Variants in PTPRD observed in about 807,000 individuals in gnomAD.
The protein encoded by PTPRD is receptor-type tyrosine-protein phosphatase delta.
A neutral mutation model predicts 214.5 loss-of-function variants in PTPRD; 34 were observed. The observed-to-expected ratio is 0.16, with a 90% confidence interval of 0.12 to 0.21. The LOEUF (loss-of-function observed/expected upper bound fraction) is 0.21. PTPRD is among the 10% of genes least tolerant of loss of function. The pLI is 1.00. For synonymous variants in PTPRD, 1,128 were observed against 845.7 expected (o/e 1.33, Z -5.79); for missense variants, 2,545 against 2,398.7 (o/e 1.06, Z -1.27).
At chr9:8,889,061 C>T (rs1384364761) in intron 11 of PTPRD, among the ~76,000 whole-genome samples, 1 of 152,094 alleles carries the variant, frequency 6.6e-6, no homozygotes, top group African/African-American at 2.4e-5. Context: ...ATTATTAGAC[C>T]TGTGTCCCTC....
At chr9:8,639,053 G>C (rs115874041) in intron 12 of PTPRD, among the ~76,000 whole-genome samples, 10,307 of 152,120 alleles carry the variant, frequency 0.068, 1,047 homozygotes, top group African/African-American at 0.22. Flanking sequence ...ATGTGGGCCA[G>C]AATGGTCTCG....
chr9:10,475,244 C>T (rs1393994212), intron 2 of PTPRD, among the ~76,000 whole-genome samples: 1 of 151,550 alleles, frequency 6.6e-6, no homozygotes, highest in East Asian at 1.9e-4. Context: ...ACTAGCCAGA[C>T]TAATAAAGAA....
intron 2 of PTPRD, among the ~76,000 whole-genome samples, chr9:10,523,584 T>C (rs1318861744): frequency 1.4e-5 from 2 of 143,834 alleles, no homozygotes; most frequent in East Asian, 2.1e-4. Context: ...CCCAATATTT[T>C]TCAAGTATAT....
intron 11 of PTPRD, among the ~76,000 whole-genome samples, chr9:8,856,169 TG>T (rs2154544249): frequency 6.6e-6 from 1 of 151,524 alleles, no homozygotes; most frequent in Admixed American, 6.6e-5. Flanking sequence ...AGCCTTTTAC[TG>T]GGTATTATTA....
At chr9:9,082,389 A>G (rs2099760580) in intron 10 of PTPRD, among the ~76,000 whole-genome samples, 2 of 152,120 alleles carry the variant, frequency 1.3e-5, no homozygotes, top group Admixed American at 6.6e-5. Context: ...AAAGGCCTTC[A>G]ATAAAATTCA....
chr9:10,505,294 C>G (rs1291152798), intron 2 of PTPRD, among the ~76,000 whole-genome samples: 1 of 152,110 alleles, frequency 6.6e-6, no homozygotes, highest in Non-Finnish European at 1.5e-5. Flanking sequence ...TTAGACTTCA[C>G]TAGATTTAAA....
At chr9:9,041,537 A>G (rs1444455473) in intron 10 of PTPRD, among the ~76,000 whole-genome samples, 1 of 152,180 alleles carries the variant, frequency 6.6e-6, no homozygotes, top group Non-Finnish European at 1.5e-5. Context: ...GCTTCAAAGG[A>G]TATGATCTCA....
At chr9:10,369,131 G>A (rs972515429) in intron 2 of PTPRD, among the ~76,000 whole-genome samples, 5 of 151,974 alleles carry the variant, frequency 3.3e-5, no homozygotes, top group Non-Finnish European at 7.4e-5. Flanking sequence ...ACTAGTTCTT[G>A]TTTCTCCATT....
intron 2 of PTPRD, among the ~76,000 whole-genome samples, chr9:10,547,338 G>C (rs1362419740): frequency 2.6e-5 from 4 of 151,758 alleles, no homozygotes; most frequent in Non-Finnish European, 5.9e-5. Context: ...GTCACTGCCA[G>C]ATTTGGTGCT....
At chr9:10,099,711 G>T (rs2098532168) in intron 3 of PTPRD, among the ~76,000 whole-genome samples, 1 of 151,504 alleles carries the variant, frequency 6.6e-6, no homozygotes, top group African/African-American at 2.4e-5. Flanking sequence ...CGCTATCATC[G>T]TATGTTGGGT....
At position 8,728,996 on chromosome 9, in the gene PTPRD, A is replaced by AT. The variant is rs367764355; in HGVS notation, c.64+4783dup. On this transcript the variant is annotated intron_variant, in intron 12 of 45. Coordinates refer to ENST00000381196, the MANE Select transcript of PTPRD (RefSeq NM_002839.4). ...CTGTCTCAAAAAAACTAAAAAATGT[A>AT]TTTTTTTCCTGCAAGATAATTCCTG... Among the ~76,000 whole-genome samples the AT allele has an allele frequency of 1.6e-3, 248 of 152,042 alleles. 1 individual carries two copies. The East Asian group carries it at 0.024, about 15-fold the overall frequency.
At chr9:8,845,340 C>A (rs576669605) in intron 11 of PTPRD, among the ~76,000 whole-genome samples, 5 of 152,296 alleles carry the variant, frequency 3.3e-5, no homozygotes, top group Admixed American at 6.5e-5. Flanking sequence ...GAAAAAAAGT[C>A]GCCAAATCGT....
intron 2 of PTPRD, among the ~76,000 whole-genome samples, chr9:10,556,787 A>G (rs1196762824): frequency 6.6e-6 from 1 of 152,138 alleles, no homozygotes; most frequent in Admixed American, 6.6e-5. Context: ...TTAGAAATGT[A>G]CTGCGGGAAG....
At chr9:9,068,503 C>T (rs2099738646) in intron 10 of PTPRD, among the ~76,000 whole-genome samples, 1 of 152,128 alleles carries the variant, frequency 6.6e-6, no homozygotes, top group Admixed American at 6.6e-5. Context: ...CTGACATTCA[C>T]TATCATCTAG....
intron 3 of PTPRD, among the ~76,000 whole-genome samples, chr9:10,197,601 G>T (rs1157498757): frequency 6.6e-6 from 1 of 152,076 alleles, no homozygotes; most frequent in East Asian, 1.9e-4. Flanking sequence ...TCAGCCCTTT[G>T]AAAGGGTCAG....
intron 9 of PTPRD, among the ~76,000 whole-genome samples, chr9:9,285,530 T>A (rs1425095649): frequency 6.6e-6 from 1 of 151,840 alleles, no homozygotes; most frequent in East Asian, 2.0e-4. Context: ...AAACCCTTGG[T>A]AAGGCATTAG....
intron 9 of PTPRD, among the ~76,000 whole-genome samples, chr9:9,273,814 A>G (rs1943905008): frequency 2.0e-5 from 3 of 151,312 alleles, no homozygotes; most frequent in Admixed American, 2.0e-4. Flanking sequence ...AAATCTGACT[A>G]GGAGTTTTGA....
intron 9 of PTPRD, among the ~76,000 whole-genome samples, chr9:9,244,304 AC>A (rs1161950740): frequency 6.6e-6 from 1 of 152,110 alleles, no homozygotes; most frequent in Non-Finnish European, 1.5e-5. Context: ...TTCATATGGA[AC>A]CAAAAAAGAG....
intron 7 of PTPRD, among the ~76,000 whole-genome samples, chr9:9,680,369 G>A (rs1036838075): frequency 1.6e-4 from 24 of 151,642 alleles, no homozygotes; most frequent in African/African-American, 5.3e-4. Flanking sequence ...AGCTTATTTC[G>A]GCATCATTTG....
Sources: allele counts gnomAD v4.1 joint callset (sites outside exome capture counted in the v4.1 genomes callset), GRCh38; gene constraint gnomAD v4.1.1; transcripts MANE v1.5; gene names NCBI Gene and HGNC (gene_info 2026-07-23, HGNC 2026-07-21).